SDHAF3: variants seen among roughly 807,000 people sequenced by gnomAD.
SDHAF3 encodes the protein succinate dehydrogenase complex assembly factor 3.
In SDHAF3, 18 loss-of-function variants were observed where a neutral mutation model predicts 11.5. That is an observed-to-expected ratio of 1.56 (90% CI 1.08 to 2.32). The LOEUF (loss-of-function observed/expected upper bound fraction) is 2.32. Among genes scored for constraint, SDHAF3 ranks in the 30% most tolerant of loss-of-function variants. The pLI, the probability that SDHAF3 is intolerant of heterozygous loss-of-function variation, is 0.00. For synonymous variants in SDHAF3, 72 were observed against 59.3 expected (o/e 1.21, Z -0.99); for missense variants, 200 against 154.4 (o/e 1.30, Z -1.57).
At chr7:97,153,101 A>G (rs534644862) in intron 1 of SDHAF3, among the ~76,000 whole-genome samples, 2 of 152,020 alleles carry the variant, frequency 1.3e-5, no homozygotes, top group Non-Finnish European at 2.9e-5. Context: ...ATTCCTCACA[A>G]AGTTAGCTAG....
intron 1 of SDHAF3, among the ~76,000 whole-genome samples, chr7:97,180,797 T>A (rs1428518504): frequency 1.3e-5 from 2 of 152,168 alleles, no homozygotes; most frequent in African/African-American, 4.8e-5. Flanking sequence ...AAAATTTTGC[T>A]AAAAGTTGGT....
At chr7:97,154,887 T>TA (rs1172607749) in intron 1 of SDHAF3, among the ~76,000 whole-genome samples, 4 of 152,180 alleles carry the variant, frequency 2.6e-5, no homozygotes, top group African/African-American at 9.7e-5. Flanking sequence ...CGTAATTTGT[T>TA]AAAAGACTAT....
chr7:97,165,449 A>G (rs183258397), intron 1 of SDHAF3, among the ~76,000 whole-genome samples: 5 of 147,678 alleles, frequency 3.4e-5, no homozygotes, highest in African/African-American at 1.3e-4. Context: ...TTGAAAATCA[A>G]CATTTGACTT....
intron 1 of SDHAF3, among the ~76,000 whole-genome samples, chr7:97,149,784 TTAAAA>T (rs780467238): frequency 2.0e-5 from 3 of 152,224 alleles, no homozygotes; most frequent in Non-Finnish European, 2.9e-5. Flanking sequence ...TGGCAATTTC[TTAAAA>T]TAAGACCACA....
intron 1 of SDHAF3, among the ~76,000 whole-genome samples, chr7:97,164,731 C>T (rs909350915): frequency 2.0e-5 from 3 of 151,964 alleles, no homozygotes; most frequent in Admixed American, 1.3e-4. Context: ...TCTTGAGTTG[C>T]GTGAATTCAT....
intron 1 of SDHAF3, among the ~76,000 whole-genome samples, chr7:97,128,046 G>C (rs541187155): frequency 6.6e-6 from 1 of 151,586 alleles, no homozygotes; most frequent in African/African-American, 2.4e-5. Flanking sequence ...GATTACAGGC[G>C]TCCACCACAT....
chr7:97,158,421 G>T (rs186125893), intron 1 of SDHAF3, among the ~76,000 whole-genome samples: 1 of 152,084 alleles, frequency 6.6e-6, no homozygotes, highest in African/African-American at 2.4e-5. Flanking sequence ...TCTGTCTCCC[G>T]GGTTCAAGCG....
Position 97,174,069 on chromosome 7 carries a change from G to A in SDHAF3, c.175-6943G>A, listed in dbSNP as rs75909852. Among the ~76,000 whole-genome samples the A allele has an allele frequency of 4.9e-3, 746 of 152,010 alleles. 8 individuals are homozygous for A. Among genetic ancestry groups the A allele is most frequent in the African/African-American group, 0.017 (705 of 41,462 alleles). On this transcript the variant is annotated intron_variant, in intron 1 of 1. Coordinates refer to ENST00000432641, the MANE Select transcript of SDHAF3 (RefSeq NM_020186.3). ...TGAGTAGCTGGGATTACAGGCATAT[G>A]CCACCACACTGGCTAAGTTTTGTAT...
intron 1 of SDHAF3, among the ~76,000 whole-genome samples, chr7:97,158,030 A>G (rs1429087213): frequency 6.6e-6 from 1 of 152,002 alleles, no homozygotes; most frequent in Non-Finnish European, 1.5e-5. Flanking sequence ...TGAGTTAATC[A>G]TGATGAGTTA....
intron 1 of SDHAF3, among the ~76,000 whole-genome samples, chr7:97,120,064 C>T (rs970090392): frequency 2.0e-5 from 3 of 152,090 alleles, no homozygotes; most frequent in Non-Finnish European, 4.4e-5. Flanking sequence ...TAGGTACTCT[C>T]AGGCTTTCAG....
At chr7:97,152,793 A>G (rs143846871) in intron 1 of SDHAF3, among the ~76,000 whole-genome samples, 3,778 of 152,114 alleles carry the variant, frequency 0.025, 144 homozygotes, top group African/African-American at 0.087. Context: ...GGGACTACAG[A>G]TGTGTGCCAC....
intron 1 of SDHAF3, among the ~76,000 whole-genome samples, chr7:97,125,032 A>G (rs551864561): frequency 2.0e-5 from 3 of 152,274 alleles, no homozygotes; most frequent in African/African-American, 7.2e-5. Context: ...ACTACGTTGA[A>G]TAGGAGTGGT....
chr7:97,167,283 GCT>G (rs757474719), intron 1 of SDHAF3, among the ~76,000 whole-genome samples: 3 of 152,162 alleles, frequency 2.0e-5, no homozygotes, highest in Non-Finnish European at 2.9e-5. Context: ...TCCCCCCTTG[GCT>G]CTCTCTCCTG....
intron 1 of SDHAF3, among the ~76,000 whole-genome samples, chr7:97,132,148 A>T (rs775182022): frequency 6.6e-6 from 1 of 152,312 alleles, no homozygotes; most frequent in Admixed American, 6.5e-5. Flanking sequence ...TAATATTTTT[A>T]CCAGTCTTTT....
At chr7:97,176,356 A>G (rs1223611028) in intron 1 of SDHAF3, among the ~76,000 whole-genome samples, 1 of 152,152 alleles carries the variant, frequency 6.6e-6, no homozygotes, top group Non-Finnish European at 1.5e-5. Flanking sequence ...AACTTTCGGG[A>G]TAGCATTATT....
intron 1 of SDHAF3, among the ~76,000 whole-genome samples, chr7:97,131,846 A>G (rs978562310): frequency 2.0e-5 from 3 of 152,200 alleles, no homozygotes; most frequent in South Asian, 2.1e-4. Context: ...GCATATCTAT[A>G]GTAAAGTGAG....
At chr7:97,130,806 G>T (rs1216357002) in intron 1 of SDHAF3, among the ~76,000 whole-genome samples, 2 of 152,216 alleles carry the variant, frequency 1.3e-5, no homozygotes, top group Non-Finnish European at 2.9e-5. Context: ...CCTACCTGAA[G>T]GGGGATAGTC....
At chr7:97,169,630 AT>A (rs796721357) in intron 1 of SDHAF3, among the ~76,000 whole-genome samples, 1 of 152,060 alleles carries the variant, frequency 6.6e-6, no homozygotes, top group African/African-American at 2.4e-5. Flanking sequence ...AGTTTATATA[AT>A]TTTTTTAAAT....
At chr7:97,135,682 A>ATATATAT (rs1491358723) in intron 1 of SDHAF3, 2 of 61,836 alleles carry the variant, frequency 3.2e-5, no homozygotes, top group Admixed American at 2.3e-4. Context: ...ATATATATAT[A>ATATATAT]TTTTTTTTTT....
Sources: gnomAD v4.1 joint callset for allele counts (sites outside exome capture counted in the v4.1 genomes callset) on GRCh38, gnomAD v4.1.1 for gene constraint, MANE v1.5 for transcripts, NCBI Gene and HGNC (gene_info 2026-07-23, HGNC 2026-07-21) for gene names.